KSR2: variants seen among roughly 807,000 people sequenced by gnomAD.
KSR2 encodes kinase suppressor of ras 2.
In KSR2, 25 loss-of-function variants were observed where a neutral mutation model predicts 107.8. That is an observed-to-expected ratio of 0.23 (90% confidence interval 0.17 to 0.32). The LOEUF (loss-of-function observed/expected upper bound fraction) is 0.32, where lower values mean the gene tolerates loss of function less well. Among genes scored for constraint, KSR2 ranks in the 10% least tolerant of loss-of-function variants. The pLI is 1.00. For missense variants in KSR2, 887 were observed against 1,268.9 expected, an observed-to-expected ratio of 0.70 and a Z score of 4.57; for synonymous variants, 480 against 507.0, an observed-to-expected ratio of 0.95 and a Z score of 0.71.
intron 3 of KSR2, among the ~76,000 whole-genome samples, chr12:117,812,923 A>G (rs1347515425): frequency 6.6e-6 from 1 of 151,910 alleles, no homozygotes; most frequent in Non-Finnish European, 1.5e-5. Context: ...TTCAAAATAT[A>G]ATCCAAAACT....
intron 1 of KSR2, among the ~76,000 whole-genome samples, chr12:117,863,040 C>T (rs1252926016): frequency 3.3e-5 from 5 of 152,120 alleles, no homozygotes. Context: ...TCCATTCCCC[C>T]TTTTACCGAA....
At chr12:117,944,710 T>G (rs1388805223) in intron 1 of KSR2, among the ~76,000 whole-genome samples, 1 of 151,718 alleles carries the variant, frequency 6.6e-6, no homozygotes, top group Non-Finnish European at 1.5e-5. Context: ...ATTTAAAAAT[T>G]AGCCGAGGGT....
At position 117,794,975 on chromosome 12, in the gene KSR2, C is replaced by T. The variant is rs145749488; in HGVS notation, c.473-33451G>A. Among the ~76,000 whole-genome samples, 334 of 152,298 alleles carry T rather than the reference C, an allele frequency of 2.2e-3. 1 individual carries two copies. The highest frequency in any genetic ancestry group is 7.6e-3 in the African/African-American group (317 of 41,552). On this transcript the variant is annotated intron_variant, in intron 3 of 19. Coordinates refer to ENST00000339824, the MANE Select transcript of KSR2 (RefSeq NM_173598.6). ...TCAGAGAACACTGCTAATGGTTTTC[C>T]CCAAGCTGCAGCAAAGTGATTGACT...
intron 5 of KSR2, among the ~76,000 whole-genome samples, chr12:117,604,911 C>T (rs1881145443): frequency 1.3e-5 from 2 of 152,106 alleles, no homozygotes; most frequent in Non-Finnish European, 2.9e-5. Context: ...TGCATTTTCT[C>T]ATTCTTTTTC....
intron 5 of KSR2, among the ~76,000 whole-genome samples, chr12:117,632,598 G>T (rs892389250): frequency 6.6e-6 from 1 of 152,024 alleles, no homozygotes; most frequent in East Asian, 1.9e-4. Context: ...GGTAAATTGC[G>T]TGTCATGGGG....
intron 19 of KSR2, among the ~76,000 whole-genome samples, chr12:117,467,472 T>C (rs535060587): frequency 4.6e-5 from 7 of 152,368 alleles, no homozygotes; most frequent in African/African-American, 1.4e-4. Context: ...AGAGACGAAC[T>C]TCTACGACAG....
At chr12:117,679,007 G>A (rs1362389428) in intron 4 of KSR2, among the ~76,000 whole-genome samples, 3 of 152,258 alleles carry the variant, frequency 2.0e-5, no homozygotes, top group South Asian at 2.1e-4. Flanking sequence ...GCATGAATTC[G>A]TATTGTCTCT....
chr12:117,648,265 A>G (rs1318510554), intron 5 of KSR2, among the ~76,000 whole-genome samples: 2 of 152,148 alleles, frequency 1.3e-5, no homozygotes, highest in Non-Finnish European at 2.9e-5. Flanking sequence ...CCATAGAGCA[A>G]TGACTGACTT....
At chr12:117,849,811 T>C (rs1279377823) in intron 3 of KSR2, among the ~76,000 whole-genome samples, 3 of 152,214 alleles carry the variant, frequency 2.0e-5, no homozygotes, top group African/African-American at 7.2e-5. Flanking sequence ...TGCCATATCC[T>C]TGGTCTCCAT....
chr12:117,527,742 G>A (rs1221119913), intron 12 of KSR2, among the ~76,000 whole-genome samples: 1 of 152,202 alleles, frequency 6.6e-6, no homozygotes, highest in African/African-American at 2.4e-5. Context: ...ACTAAAGCCA[G>A]TATGTAGATA....
intron 4 of KSR2, among the ~76,000 whole-genome samples, chr12:117,726,469 C>A (rs1379378153): frequency 3.9e-5 from 6 of 152,172 alleles, no homozygotes; most frequent in Non-Finnish European, 8.8e-5. Context: ...AGCTGGATAA[C>A]CCATTACTGG....
intron 1 of KSR2, among the ~76,000 whole-genome samples, chr12:117,922,149 A>G (rs1453128142): frequency 6.6e-6 from 1 of 152,218 alleles, no homozygotes; most frequent in Non-Finnish European, 1.5e-5. Flanking sequence ...GCTGTTAATC[A>G]TACCCAGAAG....
chr12:117,748,002 C>T lies in KSR2; in HGVS notation c.986+13009G>A, dbSNP rs186181438. Among the ~76,000 whole-genome samples the T allele has an allele frequency of 4.6e-5, 7 of 152,276 alleles. No individual in the cohort carries two copies. In the East Asian group the frequency reaches 1.3e-3, roughly 29 times the overall value. On this transcript the variant is annotated intron_variant, in intron 4 of 19. Transcript: ENST00000339824. Reference sequence around the variant, plus strand: ...GTATGTCAAAGAGATATCTGCACTACCATATTTATTGCAGCATTATTCACA... The same window carrying T: ...GTATGTCAAAGAGATATCTGCACTATCATATTTATTGCAGCATTATTCACA...
chr12:117,932,942 G>A (rs1238941387), intron 1 of KSR2, among the ~76,000 whole-genome samples: 6 of 152,168 alleles, frequency 3.9e-5, no homozygotes, highest in Non-Finnish European at 7.3e-5. Flanking sequence ...GAACCTGGGA[G>A]GCAGAGGTTG....
At chr12:117,788,615 C>G (rs1290377342) in intron 3 of KSR2, among the ~76,000 whole-genome samples, 1 of 152,192 alleles carries the variant, frequency 6.6e-6, no homozygotes, top group Admixed American at 6.5e-5. Flanking sequence ...ATTTCTCCTG[C>G]CTCAGCCTAC....
At chr12:117,495,853 AGACCAT>A (rs1323005584) in intron 14 of KSR2, among the ~76,000 whole-genome samples, 1 of 152,158 alleles carries the variant, frequency 6.6e-6, no homozygotes, top group Non-Finnish European at 1.5e-5. Flanking sequence ...CAAGAGATCG[AGACCAT>A]CCTGGCCAAC....
chr12:117,836,777 C>A (rs926724873), intron 3 of KSR2, among the ~76,000 whole-genome samples: 2 of 152,206 alleles, frequency 1.3e-5, no homozygotes, highest in African/African-American at 4.8e-5. Flanking sequence ...ACACTGATTT[C>A]AACTGAAGCA....
At chr12:117,633,393 G>A (rs372540861) in intron 5 of KSR2, among the ~76,000 whole-genome samples, 98 of 152,320 alleles carry the variant, frequency 6.4e-4, no homozygotes, top group African/African-American at 1.5e-3. Flanking sequence ...TGCGGGTTGC[G>A]CCTTGCCCAA....
chr12:117,572,306 T>G (rs1311583268), intron 7 of KSR2, among the ~76,000 whole-genome samples: 1 of 152,118 alleles, frequency 6.6e-6, no homozygotes, highest in Non-Finnish European at 1.5e-5. Flanking sequence ...ACTTCCACAC[T>G]TAAGTACAAA....
Sources: allele counts gnomAD v4.1 joint callset (sites outside exome capture counted in the v4.1 genomes callset), GRCh38; gene constraint gnomAD v4.1.1; transcripts MANE v1.5; gene names NCBI Gene and HGNC (gene_info 2026-07-23, HGNC 2026-07-21).